The following TACC2 variants were observed in gnomAD, a reference collection of about 807,000 sequenced individuals.
The protein encoded by TACC2 is transforming acidic coiled-coil-containing protein 2.
A neutral mutation model predicts 227.3 loss-of-function variants in TACC2; 137 were observed. The observed-to-expected ratio is 0.60, with a 90% CI of 0.52 to 0.69. TACC2 has a LOEUF of 0.69. Among genes scored for constraint, TACC2 ranks in the 30% least tolerant of loss-of-function variants. The pLI is 0.00. For missense variants in TACC2, 3,470 were observed against 3,694.4 expected (o/e 0.94, Z 1.57); for synonymous variants, 1,523 against 1,487.5 (o/e 1.02, Z -0.55).
chr10:122,054,889 T>A (rs2076065407), intron 3 of TACC2, among the ~76,000 whole-genome samples: 1 of 152,174 alleles, frequency 6.6e-6, no homozygotes, highest in African/African-American at 2.4e-5. Flanking sequence ...AGCAAAGTTC[T>A]CCGGCTGGCT....
intron 5 of TACC2, among the ~76,000 whole-genome samples, chr10:122,108,112 C>T (rs894203310): frequency 1.3e-5 from 2 of 151,366 alleles, no homozygotes; most frequent in African/African-American, 4.9e-5. Context: ...AGGATGGTCT[C>T]GATCTCCTGA....
chr10:122,058,144 T>C (rs1267498568), intron 3 of TACC2, among the ~76,000 whole-genome samples: 1 of 152,228 alleles, frequency 6.6e-6, no homozygotes, highest in Non-Finnish European at 1.5e-5. Flanking sequence ...TTTTAGCGCA[T>C]TTAAATGTTG....
At chr10:122,132,884 TC>T in intron 6 of TACC2, 150 bp downstream of exon 6, 1 of 751,918 alleles carries the variant, frequency 1.3e-6, no homozygotes, top group Non-Finnish European at 2.1e-6. Context: ...TGCACACCTG[TC>T]CTGAACAGGT....
At chr10:122,236,271 ATCTC>A (rs371288814) in intron 16 of TACC2, among the ~76,000 whole-genome samples, 2 of 151,324 alleles carry the variant, frequency 1.3e-5, no homozygotes, top group African/African-American at 4.9e-5. Context: ...CTTTCCCCAA[ATCTC>A]TCTCTCTCTA....
chr10:122,040,668 A>G (rs756033839), intron 2 of TACC2, among the ~76,000 whole-genome samples: 1 of 126,300 alleles, frequency 7.9e-6, no homozygotes, highest in Non-Finnish European at 1.7e-5. Context: ...CTATTATTAT[A>G]ATGATCTCAC....
chr10:122,051,398 G>A (rs916864169), intron 3 of TACC2: 5 of 152,228 alleles, frequency 3.3e-5, no homozygotes, highest in Non-Finnish European at 5.9e-5. Flanking sequence ...AGGGCTCCCT[G>A]CCGGGGCTCT....
intron 5 of TACC2, among the ~76,000 whole-genome samples, chr10:122,109,571 G>C (rs1053545679): frequency 5.9e-5 from 9 of 152,304 alleles, no homozygotes; most frequent in African/African-American, 1.9e-4. Context: ...GTTGAGCAGA[G>C]GCTGGGGGCC....
At chr10:122,243,602 ACATAT>A (rs1441402180) in intron 19 of TACC2, among the ~76,000 whole-genome samples, 9 of 152,162 alleles carry the variant, frequency 5.9e-5, no homozygotes, top group Admixed American at 3.9e-4. Context: ...ATTTATGAAC[ACATAT>A]GGATAAGATA....
intron 9 of TACC2, 138 bp downstream of exon 9, chr10:122,211,846 T>C: frequency 1.5e-6 from 1 of 645,396 alleles, no homozygotes; most frequent in Non-Finnish European, 2.5e-6. Context: ...CTTACGGCCG[T>C]TGCACCAAGC....
intron 7 of TACC2, among the ~76,000 whole-genome samples, chr10:122,188,689 C>T (rs943028127): frequency 6.6e-6 from 1 of 152,220 alleles, no homozygotes; most frequent in Admixed American, 6.5e-5. Flanking sequence ...ATCTGCAGTG[C>T]TCTTTCCACT....
At chr10:122,185,183 TTTC>T (rs1175359605) in intron 7 of TACC2, among the ~76,000 whole-genome samples, 3 of 151,280 alleles carry the variant, frequency 2.0e-5, no homozygotes. Flanking sequence ...TACTCTTTTC[TTTC>T]TTTTTTTTTT....
chr10:122,192,165 T>C lies in TACC2; in HGVS notation c.5835-2875T>C, dbSNP rs11200462. 5.2e-3 allele frequency among the ~76,000 whole-genome samples: 792 copies of C among 152,344 alleles called. 3 individuals carry two copies. Among genetic ancestry groups the C allele is most frequent in the Non-Finnish European group, 7.9e-3 (538 of 68,038 alleles). On this transcript the variant is annotated intron_variant, in intron 7 of 22. Coordinates refer to ENST00000369005, the MANE Select transcript of TACC2 (RefSeq NM_206862.4). Reference sequence around the variant, plus strand: ...GGAAGTGAATGCCATTCTCGTGGTCTGTGGTGGTCCCTGGTGTTTTGATGC... The same window carrying C: ...GGAAGTGAATGCCATTCTCGTGGTCCGTGGTGGTCCCTGGTGTTTTGATGC...
chr10:122,047,989 A>G, intron 2 of TACC2, among the ~76,000 whole-genome samples: 1 of 152,204 alleles, frequency 6.6e-6, no homozygotes, highest in Admixed American at 6.5e-5. Context: ...CCAACCACTC[A>G]GGGAAATGCA....
At position 122,087,278 on chromosome 10, in the gene TACC2, G is replaced by A. The variant is rs1217362839; in HGVS notation, c.4778G>A (p.Arg1593Lys). The A allele has an allele frequency of 1.2e-6, 2 of 1,613,776 alleles. No homozygotes were observed. The highest frequency in any genetic ancestry group is 2.7e-5 in the African/African-American group (2 of 74,948). The change falls in exon 4 of 23, where the codon AGA becomes AAA. Residue 1593 changes from arginine to lysine, a missense_variant. By Grantham distance (26) the Arg-to-Lys change is conservative. Around this residue, in one of 10 missense-constraint regions of TACC2, gnomAD observed 1,924 missense variants for 1,978.3 expected, o/e 0.97. Transcript: ENST00000369005. ...GGAGAAGAGGCCGTGGCCCAAGACAGAATTCCTTCTGGAAAGCAGCACCAG... is the reference window on the plus strand; with the variant it reads ...GGAGAAGAGGCCGTGGCCCAAGACAAAATTCCTTCTGGAAAGCAGCACCAG... ...SHGEEAVAQD[R>K]IPSGKQHQET...
rs372635027 is a variant in TACC2, at chr10:122,210,689, C to A, written c.6264C>A (p.Ser2088Arg). The A allele has an allele frequency of 1.9e-6, 3 of 1,614,130 alleles. No homozygotes were observed. Among genetic ancestry groups the A allele is most frequent in the Non-Finnish European group, 2.5e-6 (3 of 1,180,036 alleles). Residue 2088 changes from serine to arginine, a missense_variant, in exon 9 of 23, where the codon AGC becomes AGA. By Grantham distance (110) the Ser-to-Arg change is moderately radical. Coordinates refer to ENST00000369005, the MANE Select transcript of TACC2 (RefSeq NM_206862.4). This position sits in a 1 kb window ranked among gnomAD's most constrained non-coding sequence, Gnocchi z 4.6. ...ISKSTLSRSL[S>R]LQASDFDGAS... is the part of the protein sequence containing the mutation. ...AGTCTACACTGTCCCGGTCGCTCAGCCTGCAAGCCAGTGACTTTGATGGTG... is the reference window on the plus strand; with the variant it reads ...AGTCTACACTGTCCCGGTCGCTCAGACTGCAAGCCAGTGACTTTGATGGTG...
At chr10:122,077,130 A>AAAAAG (rs1565222611) in intron 3 of TACC2, among the ~76,000 whole-genome samples, 1 of 151,774 alleles carries the variant, frequency 6.6e-6, no homozygotes, top group Non-Finnish European at 1.5e-5. Context: ...AAAAAAAAAA[A>AAAAAG]AAAAGAATGT....
intron 3 of TACC2, among the ~76,000 whole-genome samples, chr10:122,056,260 C>T (rs562581895): frequency 9.2e-5 from 14 of 152,312 alleles, no homozygotes; most frequent in Admixed American, 9.2e-4. Context: ...CTGCAACCTC[C>T]GCCTCCCGGG....
At chr10:122,000,842 T>A (rs559954184) in intron 1 of TACC2, among the ~76,000 whole-genome samples, 31 of 152,270 alleles carry the variant, frequency 2.0e-4, no homozygotes, top group African/African-American at 7.5e-4. Context: ...TTTAAGAAAG[T>A]CTCACTCTGT....
chr10:122,092,545 G>A (rs1178793727), intron 5 of TACC2, among the ~76,000 whole-genome samples: 1 of 152,104 alleles, frequency 6.6e-6, no homozygotes, highest in Admixed American at 6.5e-5. Context: ...TTTCTATTTT[G>A]ATGACAGGAT....
Sources: gnomAD v4.1 joint callset for allele counts (sites outside exome capture counted in the v4.1 genomes callset) on GRCh38, gnomAD v4.1.1 for gene constraint, gnomAD v4.1.1 regional missense constraint, Gnocchi (gnomAD v3.1) non-coding constraint, MANE v1.5 for transcripts, NCBI Gene and HGNC (gene_info 2026-07-23, HGNC 2026-07-21) for gene names.